Variants in PTPN21 observed in about 807,000 individuals in gnomAD.
PTPN21 encodes the protein tyrosine-protein phosphatase non-receptor type 21.
A neutral mutation model predicts 131.8 loss-of-function variants in PTPN21; 77 were observed. The ratio of observed to expected loss-of-function variants is 0.58; its 90% CI spans 0.49 to 0.71. PTPN21 has a LOEUF of 0.71. Ranked by LOEUF, PTPN21 falls within the 30% of genes least tolerant of loss-of-function variation. The probability of loss-of-function intolerance (pLI) is 0.00; values close to 1 mark genes in which losing one functional copy is unlikely to be tolerated. For missense variants in PTPN21, 1,552 were observed against 1,527.1 expected (o/e 1.02, Z -0.27); for synonymous variants, 715 against 621.3 (o/e 1.15, Z -2.24).
At chr14:88,508,313 C>A (rs556781602) in intron 3 of PTPN21, among the ~76,000 whole-genome samples, 143 of 152,098 alleles carry the variant, frequency 9.4e-4, no homozygotes, top group African/African-American at 3.3e-3. Context: ...CTATGCCTGA[C>A]AAATTTTTCT....
At chr14:88,516,335 G>A (rs1233336712) in intron 3 of PTPN21, among the ~76,000 whole-genome samples, 2 of 151,592 alleles carry the variant, frequency 1.3e-5, no homozygotes, top group African/African-American at 4.9e-5. Context: ...ACACAAAGAT[G>A]AAAGGGCGTG....
At chr14:88,517,476 A>G (rs901490344) in intron 2 of PTPN21, among the ~76,000 whole-genome samples, 1 of 152,074 alleles carries the variant, frequency 6.6e-6, no homozygotes, top group Non-Finnish European at 1.5e-5. Context: ...CAAAAACTCA[A>G]TTGCTCTTGC....
At chr14:88,486,977 C>CAA (rs1198956976) in intron 10 of PTPN21, among the ~76,000 whole-genome samples, 1,499 of 54,534 alleles carry the variant, frequency 0.027, 24 homozygotes, top group African/African-American at 0.082. Flanking sequence ...ATTCTAGCCT[C>CAA]AAAAAAAAAA....
intron 15 of PTPN21, chr14:88,470,436 T>G (rs544804294): frequency 6.7e-4 from 121 of 179,680 alleles, no homozygotes; most frequent in African/African-American, 2.9e-3. Context: ...ATGGTGCCTC[T>G]TCTTTAAAAA....
At position 88,481,775 on chromosome 14, in the gene PTPN21, G is replaced by C. The variant is rs537368604; in HGVS notation, c.1079-1423C>G. ...ACTTGAGGGGTAAGTGGGTGGGGTG[G>C]GCGTGTCCAGCTTCCATCAGAAGTG... On this transcript the variant is annotated intron_variant, in intron 12 of 18. Transcript: ENST00000556564. Among the ~76,000 whole-genome samples the C allele has an allele frequency of 2.6e-5, 4 of 152,284 alleles. No individual in the cohort carries two copies. The South Asian group carries it at 6.2e-4, about 24-fold the overall frequency.
At chr14:88,528,937 T>C (rs1354028936) in intron 2 of PTPN21, among the ~76,000 whole-genome samples, 1 of 152,220 alleles carries the variant, frequency 6.6e-6, no homozygotes. Context: ...TAGAGACGGT[T>C]TGACTTCCTC....
intron 12 of PTPN21, among the ~76,000 whole-genome samples, chr14:88,481,770 G>C (rs1210221602): frequency 6.6e-6 from 1 of 152,156 alleles, no homozygotes; most frequent in Non-Finnish European, 1.5e-5. Context: ...TAAGTGGGTG[G>C]GGTGGGCGTG....
intron 4 of PTPN21, among the ~76,000 whole-genome samples, chr14:88,506,350 A>T (rs979348297): frequency 6.6e-6 from 1 of 152,168 alleles, no homozygotes; most frequent in Non-Finnish European, 1.5e-5. Flanking sequence ...AAAAAAGGAA[A>T]ATACACACAT....
At chr14:88,504,617 T>C (rs77604275) in intron 5 of PTPN21, 122 bp from the exon 6 acceptor site, 8 of 704,196 alleles carry the variant, frequency 1.1e-5, no homozygotes, top group African/African-American at 3.6e-5. Context: ...ATTGTTACTA[T>C]ATGGGAGCTT....
chr14:88,484,891 A>AAAAAC (rs1566817799), intron 12 of PTPN21, among the ~76,000 whole-genome samples, 185 bp downstream of exon 12: 4 of 151,898 alleles, frequency 2.6e-5, no homozygotes, highest in Non-Finnish European at 4.4e-5. Context: ...TGTCTCCAAA[A>AAAAAC]AAACAAACAA....
intron 8 of PTPN21, among the ~76,000 whole-genome samples, chr14:88,497,568 G>A (rs1186172140): frequency 6.6e-6 from 1 of 151,510 alleles, no homozygotes; most frequent in Admixed American, 6.6e-5. Flanking sequence ...AGGAGATGGA[G>A]ACCATCCTGG....
intron 2 of PTPN21, among the ~76,000 whole-genome samples, chr14:88,549,872 C>T (rs1021201013): frequency 6.6e-6 from 1 of 151,910 alleles, no homozygotes; most frequent in African/African-American, 2.4e-5. Flanking sequence ...AAGCGATTCT[C>T]CTGTCTCAGC....
rs73329646 is a variant in PTPN21, at chr14:88,469,278, A to G, written c.3236-202T>C. ...GTCCACTTTCTGATCTACAAAATGAAATGACGGAGATACTGAGTCAGCTGT... is the reference window on the plus strand; with the variant it reads ...GTCCACTTTCTGATCTACAAAATGAGATGACGGAGATACTGAGTCAGCTGT... On this transcript the variant is annotated intron_variant, in intron 17 of 18. Coordinates refer to ENST00000556564, the MANE Select transcript of PTPN21 (RefSeq NM_007039.4). The surrounding 1 kb of genome is among the most constrained non-coding windows in gnomAD (Gnocchi z 4.3). 0.037 allele frequency among the ~76,000 whole-genome samples: 5,623 copies of G among 152,204 alleles called. 353 individuals carry two copies. The highest frequency in any genetic ancestry group is 0.13 in the African/African-American group (5,352 of 41,496).
chr14:88,528,390 AT>A (rs2078510845), intron 2 of PTPN21, among the ~76,000 whole-genome samples: 3 of 152,140 alleles, frequency 2.0e-5, no homozygotes, highest in African/African-American at 7.2e-5. Context: ...ATTCCTAAGT[AT>A]TTTAATTCTT....
chr14:88,505,814 A>G (rs890598456), intron 4 of PTPN21, among the ~76,000 whole-genome samples: 3 of 152,244 alleles, frequency 2.0e-5, no homozygotes, highest in Non-Finnish European at 4.4e-5. Context: ...TAAAAAATTG[A>G]CAATTCAGCA....
At chr14:88,510,853 A>C (rs4390529) in intron 3 of PTPN21, among the ~76,000 whole-genome samples, 52,771 of 151,792 alleles carry the variant, frequency 0.35, 9,754 homozygotes, top group African/African-American at 0.48. Flanking sequence ...TCCCTCAAAT[A>C]CTTTAATGGA....
intron 5 of PTPN21, 101 bp from the exon 6 acceptor site, chr14:88,504,596 A>G: frequency 1.1e-6 from 1 of 879,258 alleles, no homozygotes. Flanking sequence ...CTATCAGGCA[A>G]AATTATGACT....
At position 88,517,662 on chromosome 14, in the gene PTPN21, A is replaced by AGGTG. The variant is rs2078295599; in HGVS notation, c.181-402_181-401insCACC. The stretch of plus-strand genomic sequence containing the variant: ...ATTTATCATATATATGTATATATAC[A>AGGTG]CATACACACACATATGTATATATAC... On this transcript the variant is annotated intron_variant, in intron 2 of 18. Transcript: ENST00000556564. Among the ~76,000 whole-genome samples, 11 of 146,994 alleles carry AGGTG rather than the reference A, an allele frequency of 7.5e-5. No individual in the cohort carries two copies. In the East Asian group the frequency reaches 1.0e-3, roughly 13 times the overall value.
At chr14:88,520,482 T>C (rs1468382782) in intron 2 of PTPN21, among the ~76,000 whole-genome samples, 3 of 152,134 alleles carry the variant, frequency 2.0e-5, no homozygotes, top group African/African-American at 4.8e-5. Context: ...TTGTAATATA[T>C]CTGAAAGGCC....
Sources: gnomAD v4.1 joint callset for allele counts (sites outside exome capture counted in the v4.1 genomes callset) on GRCh38, gnomAD v4.1.1 for gene constraint, Gnocchi (gnomAD v3.1) non-coding constraint, MANE v1.5 for transcripts, NCBI Gene and HGNC (gene_info 2026-07-23, HGNC 2026-07-21) for gene names.